The following CSMD1 variants were observed in gnomAD, a reference collection of about 807,000 sequenced individuals.
CSMD1 encodes the protein CUB and sushi domain-containing protein 1.
In CSMD1, 213 loss-of-function variants were observed where a neutral mutation model predicts 417.5. The ratio of observed to expected loss-of-function variants is 0.51; its 90% CI spans 0.46 to 0.57. The LOEUF is 0.57. CSMD1 is among the 20% of genes least tolerant of loss of function. The pLI is 0.00. For synonymous variants in CSMD1, 2,862 were observed against 1,736.8 expected, an observed-to-expected ratio of 1.65 and a Z score of -16.11; for missense variants, 6,923 against 4,529.7, an observed-to-expected ratio of 1.53 and a Z score of -15.17.
At chr8:3,798,457 G>A (rs1371861555) in intron 5 of CSMD1, among the ~76,000 whole-genome samples, 3 of 151,992 alleles carry the variant, frequency 2.0e-5, no homozygotes, top group Non-Finnish European at 4.4e-5. Context: ...TTGATTTCAG[G>A]AACCACTTGA....
intron 1 of CSMD1, among the ~76,000 whole-genome samples, chr8:4,774,179 G>A (rs1796733419): frequency 6.6e-6 from 1 of 152,204 alleles, no homozygotes; most frequent in South Asian, 2.1e-4. Context: ...CAGCCTGGGT[G>A]ACAGAGCGAG....
At chr8:3,176,543 T>C (rs914862822) in intron 37 of CSMD1, among the ~76,000 whole-genome samples, 1 of 152,148 alleles carries the variant, frequency 6.6e-6, no homozygotes, top group African/African-American at 2.4e-5. Flanking sequence ...AGAGTAATTT[T>C]AAAACCTACT....
chr8:3,464,189 T>C (rs879680542), intron 12 of CSMD1, among the ~76,000 whole-genome samples: 27 of 152,314 alleles, frequency 1.8e-4, no homozygotes, highest in Non-Finnish European at 3.4e-4. Flanking sequence ...CATCAACTAG[T>C]GTGATGAACT....
chr8:4,717,252 G>A (rs1193625559), intron 1 of CSMD1, among the ~76,000 whole-genome samples: 2 of 149,808 alleles, frequency 1.3e-5, no homozygotes, highest in East Asian at 4.0e-4. Flanking sequence ...GTAATGGCAG[G>A]ATGAAAATAG....
At chr8:3,137,367 G>A (rs886686597) in intron 41 of CSMD1, among the ~76,000 whole-genome samples, 6 of 152,206 alleles carry the variant, frequency 3.9e-5, no homozygotes, top group African/African-American at 9.6e-5. Context: ...TATGCAGCAC[G>A]GCAGAAAGTC....
chr8:3,616,241 A>G (rs1802130559), intron 8 of CSMD1, among the ~76,000 whole-genome samples: 1 of 152,184 alleles, frequency 6.6e-6, no homozygotes, highest in South Asian at 2.1e-4. Context: ...AGGCAATTGA[A>G]TCATGGGGTC....
chr8:4,091,830 C>G (rs946171288), intron 3 of CSMD1, among the ~76,000 whole-genome samples: 3 of 152,148 alleles, frequency 2.0e-5, no homozygotes, highest in Non-Finnish European at 2.9e-5. Context: ...TTAAAATGGA[C>G]TATTTAGCAA....
intron 12 of CSMD1, among the ~76,000 whole-genome samples, chr8:3,466,209 T>G (rs1816783537): frequency 6.6e-6 from 1 of 152,104 alleles, no homozygotes; most frequent in Non-Finnish European, 1.5e-5. Context: ...CTAGGACTTT[T>G]TTTTTTAATG....
At position 4,078,265 on chromosome 8, in the gene CSMD1, T is replaced by C. The variant is rs550330757; in HGVS notation, c.416-46166A>G. The stretch of plus-strand genomic sequence containing the variant: ...ACGTATTACGTAATTGCACTATGCA[T>C]TGATAATGCAGACCTAACTGTGCCA... On this transcript the variant is annotated intron_variant, in intron 3 of 69. Coordinates refer to ENST00000635120, the MANE Select transcript of CSMD1 (RefSeq NM_033225.6). 1.3e-3 allele frequency among the ~76,000 whole-genome samples: 204 copies of C among 152,244 alleles called. 1 individual carries two copies. Among genetic ancestry groups the C allele is most frequent in the African/African-American group, 4.7e-3 (196 of 41,558 alleles).
intron 3 of CSMD1, among the ~76,000 whole-genome samples, chr8:4,254,132 T>C (rs1803277069): frequency 6.6e-6 from 1 of 151,856 alleles, no homozygotes; most frequent in East Asian, 1.9e-4. Context: ...TTAGCCAGGG[T>C]GGTCTCCATC....
chr8:4,631,169 T>C (rs575797678), intron 2 of CSMD1, among the ~76,000 whole-genome samples: 18 of 152,202 alleles, frequency 1.2e-4, no homozygotes, highest in Middle Eastern at 3.4e-3. Flanking sequence ...TAGACCAGCC[T>C]GGCCAATATG....
At chr8:3,665,492 G>A (rs1798640726) in intron 7 of CSMD1, among the ~76,000 whole-genome samples, 1 of 152,156 alleles carries the variant, frequency 6.6e-6, no homozygotes, top group Non-Finnish European at 1.5e-5. Context: ...TCACGCCACT[G>A]CACTCCAGCC....
intron 1 of CSMD1, among the ~76,000 whole-genome samples, chr8:4,643,851 C>G (rs913555252): frequency 6.6e-6 from 1 of 152,134 alleles, no homozygotes; most frequent in Non-Finnish European, 1.5e-5. Context: ...TAAGGGTTTT[C>G]AGAATTAAAG....
intron 1 of CSMD1, among the ~76,000 whole-genome samples, chr8:4,683,897 G>C (rs575490236): frequency 1.3e-5 from 2 of 152,126 alleles, no homozygotes; most frequent in South Asian, 2.1e-4. Context: ...TATAGGAAAG[G>C]ACTAATTAGA....
At chr8:4,421,664 A>G (rs929278069) in intron 2 of CSMD1, among the ~76,000 whole-genome samples, 3 of 152,084 alleles carry the variant, frequency 2.0e-5, no homozygotes, top group African/African-American at 7.2e-5. Flanking sequence ...AACATATTAA[A>G]CTTTGTAAGA....
At chr8:3,313,352 AT>A (rs878919428) in intron 23 of CSMD1, among the ~76,000 whole-genome samples, 1 of 152,110 alleles carries the variant, frequency 6.6e-6, no homozygotes, top group Admixed American at 6.6e-5. Flanking sequence ...AAGGGAGAAA[AT>A]TTTTGCAATC....
intron 5 of CSMD1, among the ~76,000 whole-genome samples, chr8:3,910,812 G>T (rs926694206): frequency 6.6e-6 from 1 of 152,150 alleles, no homozygotes; most frequent in African/African-American, 2.4e-5. Context: ...TGTTATTGGA[G>T]AGTGCATGCT....
chr8:4,866,345 A>G (rs1025464605), intron 1 of CSMD1, among the ~76,000 whole-genome samples: 3 of 152,000 alleles, frequency 2.0e-5, no homozygotes, highest in African/African-American at 7.2e-5. Context: ...TTACAAACTG[A>G]CAACCAAAAA....
chr8:3,786,929 C>G (rs2623666), intron 5 of CSMD1, among the ~76,000 whole-genome samples: 10,537 of 152,162 alleles, frequency 0.069, 537 homozygotes, highest in East Asian at 0.25. Context: ...ATGAGGATTT[C>G]AACCCAGGAA....
Sources: allele counts gnomAD v4.1 joint callset (sites outside exome capture counted in the v4.1 genomes callset), GRCh38; gene constraint gnomAD v4.1.1; transcripts MANE v1.5; gene names NCBI Gene and HGNC (gene_info 2026-07-23, HGNC 2026-07-21).